The following DOCK3 variants were observed in gnomAD, a reference collection of about 807,000 sequenced individuals.
DOCK3 encodes dedicator of cytokinesis 3.
In DOCK3, 60 loss-of-function variants were observed where a neutral mutation model predicts 265.6. The observed-to-expected ratio is 0.23, with a 90% CI of 0.18 to 0.28. The LOEUF is 0.28. Among genes scored for constraint, DOCK3 ranks in the 10% least tolerant of loss-of-function variants. DOCK3 has a pLI of 1.00. For missense variants in DOCK3, 1,981 were observed against 2,594.3 expected, an observed-to-expected ratio of 0.76 and a Z score of 5.14; for synonymous variants, 881 against 938.0, an observed-to-expected ratio of 0.94 and a Z score of 1.11.
chr3:50,675,676 A>G lies in DOCK3; in HGVS notation c.37+376A>G, dbSNP rs2033900727. Reference sequence around the variant, plus strand: ...AAGCTCGATTTTAATGAGTTTCCGCACCTGAATTGATGAGCCCGATGGCTG... The same window carrying G: ...AAGCTCGATTTTAATGAGTTTCCGCGCCTGAATTGATGAGCCCGATGGCTG... On this transcript the variant is annotated intron_variant, in intron 1 of 52. Coordinates refer to ENST00000266037, the MANE Select transcript of DOCK3 (RefSeq NM_004947.5). The surrounding 1 kb of genome is among the most constrained non-coding windows in gnomAD (Gnocchi z 6.1). Among the ~76,000 whole-genome samples the G allele has an allele frequency of 6.6e-6, 1 of 152,186 alleles. No individual in the cohort carries two copies. Among genetic ancestry groups the G allele is most frequent in the Admixed American group, 6.5e-5 (1 of 15,282 alleles).
At chr3:51,288,257 C>T (rs779254424) in intron 27 of DOCK3, among the ~76,000 whole-genome samples, 29 of 151,812 alleles carry the variant, frequency 1.9e-4, no homozygotes, top group Non-Finnish European at 3.1e-4. Context: ...TCGGGCATGG[C>T]GGCACATGCC....
intron 5 of DOCK3, among the ~76,000 whole-genome samples, chr3:51,042,055 G>A (rs1241441489): frequency 1.3e-5 from 2 of 152,156 alleles, no homozygotes; most frequent in Non-Finnish European, 2.9e-5. Context: ...AAATTGAAAA[G>A]GAAGGACTCC....
intron 1 of DOCK3, among the ~76,000 whole-genome samples, chr3:50,749,073 A>G (rs2039629083): frequency 6.6e-6 from 1 of 152,068 alleles, no homozygotes; most frequent in Non-Finnish European, 1.5e-5. Flanking sequence ...ACATGGGATA[A>G]TGTGTGTGAT....
intron 1 of DOCK3, among the ~76,000 whole-genome samples, chr3:50,756,364 TATGGTTGCCTGACATTCTG>T (rs1307257517): frequency 6.6e-6 from 1 of 152,194 alleles, no homozygotes; most frequent in Non-Finnish European, 1.5e-5. Flanking sequence ...AGGTGTTTTC[TATGGTTGCCTGACATTCTG>T]GGAGCGGGGA....
chr3:50,874,332 T>G (rs2047591736), intron 3 of DOCK3, among the ~76,000 whole-genome samples: 1 of 151,882 alleles, frequency 6.6e-6, no homozygotes, highest in South Asian at 2.1e-4. Flanking sequence ...CAAGACCGTA[T>G]GTCTGCAAAA....
intron 21 of DOCK3, among the ~76,000 whole-genome samples, chr3:51,246,152 T>G (rs1012843029): frequency 5.3e-5 from 8 of 151,886 alleles, no homozygotes; most frequent in Admixed American, 1.3e-4. Flanking sequence ...TACTATTTAC[T>G]GGCTGGTGTC....
At chr3:51,250,303 A>C (rs1367125575) in intron 22 of DOCK3, among the ~76,000 whole-genome samples, 6 of 150,252 alleles carry the variant, frequency 4.0e-5, no homozygotes, top group Non-Finnish European at 7.5e-5. Flanking sequence ...AAAATAATAA[A>C]AAATAAAAAA....
At chr3:50,997,319 ATAGAGCAGTATATGTGAGG>A (rs1372171650) in intron 5 of DOCK3, among the ~76,000 whole-genome samples, 3 of 152,196 alleles carry the variant, frequency 2.0e-5, no homozygotes, top group South Asian at 4.1e-4. Flanking sequence ...AAAGCAAATT[ATAGAGCAGTATATGTGAGG>A]AAAAATGTTG....
chr3:50,817,752 C>T (rs1168110888), intron 2 of DOCK3, among the ~76,000 whole-genome samples: 1 of 151,742 alleles, frequency 6.6e-6, no homozygotes, highest in Admixed American at 6.6e-5. Flanking sequence ...CTCTCTTCCT[C>T]AACTCTTTCT....
chr3:51,129,034 C>G (rs1042683247), intron 9 of DOCK3, among the ~76,000 whole-genome samples: 1 of 152,232 alleles, frequency 6.6e-6, no homozygotes, highest in East Asian at 1.9e-4. Flanking sequence ...TCAGAGAGGT[C>G]CATCCACATA....
At chr3:51,222,198 C>T (rs2090129788) in intron 14 of DOCK3, among the ~76,000 whole-genome samples, 3 of 152,180 alleles carry the variant, frequency 2.0e-5, no homozygotes, top group Admixed American at 1.3e-4. Flanking sequence ...AATGTGCCTG[C>T]CCTCATGCCT....
chr3:51,002,562 C>T (rs1310015366), intron 5 of DOCK3, among the ~76,000 whole-genome samples: 1 of 152,146 alleles, frequency 6.6e-6, no homozygotes, highest in Admixed American at 6.5e-5. Context: ...GTTGTATAGT[C>T]TTATAACTGT....
intron 5 of DOCK3, among the ~76,000 whole-genome samples, chr3:51,053,562 C>T (rs191872307): frequency 6.6e-6 from 1 of 151,932 alleles, no homozygotes; most frequent in Non-Finnish European, 1.5e-5. Context: ...GCTGGGACTA[C>T]AGGCACCTGC....
intron 3 of DOCK3, among the ~76,000 whole-genome samples, chr3:50,844,221 T>A (rs2045975902): frequency 6.6e-6 from 1 of 152,232 alleles, no homozygotes; most frequent in Non-Finnish European, 1.5e-5. Flanking sequence ...TATTTATTTG[T>A]GAGTGAATGA....
chr3:51,092,339 A>G (rs1382941010), intron 9 of DOCK3, among the ~76,000 whole-genome samples: 2 of 152,188 alleles, frequency 1.3e-5, no homozygotes, highest in Non-Finnish European at 2.9e-5. Context: ...GGGGAGGGAC[A>G]TCTGCCATTA....
intron 12 of DOCK3, among the ~76,000 whole-genome samples, chr3:51,181,672 G>A (rs2087304464): frequency 6.6e-6 from 1 of 152,156 alleles, no homozygotes; most frequent in African/African-American, 2.4e-5. Context: ...AGGAAAACAA[G>A]TGATAACCAC....
At chr3:51,183,512 A>G (rs2087421669) in intron 12 of DOCK3, among the ~76,000 whole-genome samples, 5 of 152,176 alleles carry the variant, frequency 3.3e-5, no homozygotes, top group Admixed American at 3.3e-4. Flanking sequence ...TATAGGGTCT[A>G]AATGGTATGT....
intron 28 of DOCK3, among the ~76,000 whole-genome samples, chr3:51,311,440 A>G (rs1055454523): frequency 6.6e-6 from 1 of 152,226 alleles, no homozygotes; most frequent in African/African-American, 2.4e-5. Context: ...CTATGTGCCC[A>G]GGCTGAGATT....
chr3:51,247,386 T>C (rs966649368), intron 22 of DOCK3, among the ~76,000 whole-genome samples: 3 of 152,236 alleles, frequency 2.0e-5, no homozygotes. Flanking sequence ...GTAGCTCCAA[T>C]TGACAGGGGA....
Sources: allele counts gnomAD v4.1 joint callset (sites outside exome capture counted in the v4.1 genomes callset), GRCh38; gene constraint gnomAD v4.1.1; non-coding constraint Gnocchi (gnomAD v3.1); transcripts MANE v1.5; gene names NCBI Gene and HGNC (gene_info 2026-07-23, HGNC 2026-07-21).